PDE4B: variants seen among roughly 807,000 people sequenced by gnomAD.
The protein encoded by PDE4B is phosphodiesterase 4B.
Under a neutral mutation model 82.2 loss-of-function variants are expected in PDE4B, and 20 were observed. The observed-to-expected ratio is 0.24, with a 90% CI of 0.17 to 0.35. The LOEUF (loss-of-function observed/expected upper bound fraction) is 0.35, where lower values mean the gene tolerates loss of function less well. PDE4B is among the 10% of genes least tolerant of loss of function. The probability of loss-of-function intolerance (pLI) is 1.00; values close to 1 mark genes in which losing one functional copy is unlikely to be tolerated. For synonymous variants in PDE4B, 320 were observed against 318.9 expected, an observed-to-expected ratio of 1.00 and a Z score of -0.04; for missense variants, 655 against 907.2, an observed-to-expected ratio of 0.72 and a Z score of 3.57.
intron 7 of PDE4B, among the ~76,000 whole-genome samples, chr1:66,268,183 C>G (rs1655190231): frequency 6.6e-6 from 1 of 151,862 alleles, no homozygotes; most frequent in Non-Finnish European, 1.5e-5. Flanking sequence ...TGTATTGGAG[C>G]AATTCAGAGA....
chr1:66,132,018 T>TG (rs1192744149), intron 3 of PDE4B, among the ~76,000 whole-genome samples: 1 of 152,068 alleles, frequency 6.6e-6, no homozygotes, highest in African/African-American at 2.4e-5. Flanking sequence ...GAGCAAGTGA[T>TG]GGGGAAGGTA....
At chr1:65,854,088 T>G (rs1646364516) in intron 1 of PDE4B, among the ~76,000 whole-genome samples, 1 of 145,914 alleles carries the variant, frequency 6.9e-6, no homozygotes. Context: ...TTATCATGTT[T>G]ACCTTCAAAT....
chr1:66,356,192 T>G (rs1662225107), intron 9 of PDE4B, among the ~76,000 whole-genome samples: 1 of 152,204 alleles, frequency 6.6e-6, no homozygotes. Flanking sequence ...TCTGAAGGAT[T>G]TCATCTTCTG....
At chr1:66,238,935 G>A (rs1008744733) in intron 3 of PDE4B, among the ~76,000 whole-genome samples, 19 of 152,254 alleles carry the variant, frequency 1.2e-4, no homozygotes, top group African/African-American at 4.1e-4. Context: ...TTTAGATACA[G>A]GTTTCAAACA....
At chr1:65,988,661 T>C (rs889878951) in intron 3 of PDE4B, among the ~76,000 whole-genome samples, 3 of 152,078 alleles carry the variant, frequency 2.0e-5, no homozygotes, top group East Asian at 1.9e-4. Context: ...TTCTGGATTG[T>C]CTTTTTAAAA....
chr1:66,256,507 C>T lies in PDE4B; in HGVS notation c.477-1140C>T, dbSNP rs192011497. ...TTATTGTCACTGTACAGAGTGGGCA[C>T]AGAAGACACTTGCCAGATTAAATTG... On this transcript the variant is annotated intron_variant, in intron 4 of 16. Coordinates refer to ENST00000341517, the MANE Select transcript of PDE4B (RefSeq NM_002600.4). 5.3e-5 allele frequency among the ~76,000 whole-genome samples: 8 copies of T among 152,176 alleles called. No individual in the cohort carries two copies. In the East Asian group the frequency reaches 1.3e-3, roughly 26 times the overall value.
At chr1:65,969,230 A>G (rs186368268) in intron 3 of PDE4B, among the ~76,000 whole-genome samples, 12 of 152,170 alleles carry the variant, frequency 7.9e-5, no homozygotes, top group African/African-American at 2.9e-4. Context: ...ACCCAGGCTG[A>G]CAGCCGCCAC....
At chr1:65,854,781 A>G (rs1646373252) in intron 1 of PDE4B, among the ~76,000 whole-genome samples, 1 of 151,760 alleles carries the variant, frequency 6.6e-6, no homozygotes, top group South Asian at 2.1e-4. Flanking sequence ...TTGTAAAAGT[A>G]TTTTTCCATT....
chr1:65,886,771 A>G (rs1265818321), intron 1 of PDE4B, among the ~76,000 whole-genome samples: 1 of 152,146 alleles, frequency 6.6e-6, no homozygotes, highest in Admixed American at 6.6e-5. Flanking sequence ...TTCTCAATCC[A>G]TTTGTTTATA....
intron 1 of PDE4B, among the ~76,000 whole-genome samples, chr1:65,846,862 A>G (rs1258800862): frequency 2.0e-5 from 3 of 152,232 alleles, no homozygotes; most frequent in Non-Finnish European, 4.4e-5. Flanking sequence ...GATAAACTTA[A>G]TAAGACATAC....
At chr1:66,093,528 T>G (rs1195068070) in intron 3 of PDE4B, among the ~76,000 whole-genome samples, 1 of 151,916 alleles carries the variant, frequency 6.6e-6, no homozygotes, top group Non-Finnish European at 1.5e-5. Flanking sequence ...GTAACTTGGG[T>G]CAGAGTCTTG....
intron 7 of PDE4B, among the ~76,000 whole-genome samples, chr1:66,318,153 G>A (rs947039333): frequency 6.6e-6 from 1 of 152,174 alleles, no homozygotes; most frequent in African/African-American, 2.4e-5. Context: ...GACTGGTATA[G>A]TGATGAATAT....
At chr1:65,807,165 C>T (rs1645763631) in intron 1 of PDE4B, among the ~76,000 whole-genome samples, 1 of 152,202 alleles carries the variant, frequency 6.6e-6, no homozygotes, top group South Asian at 2.1e-4. Context: ...AAGAGAACCA[C>T]ATTTGTGATT....
intron 3 of PDE4B, among the ~76,000 whole-genome samples, chr1:65,974,608 T>C (rs750348968): frequency 2.0e-5 from 3 of 152,156 alleles, no homozygotes; most frequent in Non-Finnish European, 2.9e-5. Context: ...AAATCTCATA[T>C]TGAATTGGAG....
intron 7 of PDE4B, among the ~76,000 whole-genome samples, chr1:66,330,063 C>T (rs1015292927): frequency 6.6e-6 from 1 of 152,242 alleles, no homozygotes; most frequent in African/African-American, 2.4e-5. Context: ...ATTTAGTACA[C>T]TCTAACCTCT....
At chr1:66,273,732 C>T (rs917535124) in intron 7 of PDE4B, among the ~76,000 whole-genome samples, 1 of 152,224 alleles carries the variant, frequency 6.6e-6, no homozygotes, top group Non-Finnish European at 1.5e-5. Context: ...ATAGCAAATG[C>T]TCAATAAATG....
chr1:65,919,864 G>T (rs1387344409), intron 3 of PDE4B, among the ~76,000 whole-genome samples: 1 of 152,122 alleles, frequency 6.6e-6, no homozygotes, highest in Non-Finnish European at 1.5e-5. Context: ...GACACACTGA[G>T]CATTAGATCA....
chr1:66,325,070 T>C (rs1161374263), intron 7 of PDE4B, among the ~76,000 whole-genome samples: 1 of 152,186 alleles, frequency 6.6e-6, no homozygotes, highest in African/African-American at 2.4e-5. Flanking sequence ...TGCCAATTCC[T>C]ATATGTATGA....
At chr1:65,848,254 T>A (rs969257521) in intron 1 of PDE4B, among the ~76,000 whole-genome samples, 7 of 152,102 alleles carry the variant, frequency 4.6e-5, no homozygotes, top group South Asian at 2.1e-4. Context: ...TTCTCCCGCA[T>A]CAGCCTCCTG....
Sources: gnomAD v4.1 joint callset for allele counts (sites outside exome capture counted in the v4.1 genomes callset) on GRCh38, gnomAD v4.1.1 for gene constraint, MANE v1.5 for transcripts, NCBI Gene and HGNC (gene_info 2026-07-23, HGNC 2026-07-21) for gene names.